The following HMGN5 variants were observed in gnomAD, a reference collection of about 807,000 sequenced individuals.
HMGN5 encodes the protein high mobility group nucleosome binding domain 5, also known as high mobility group nucleosome-binding domain-containing protein 5.
Under a neutral mutation model 9.5 loss-of-function variants are expected in HMGN5, and 4 were observed. The ratio of observed to expected loss-of-function variants is 0.42; its 90% CI spans 0.21 to 0.96. The LOEUF is 0.96. HMGN5 is among the 40% of genes least tolerant of loss of function. HMGN5 has a pLI of 0.30. For synonymous variants in HMGN5, 55 were observed against 57.1 expected (o/e 0.96, Z 0.16); for missense variants, 192 against 187.5 (o/e 1.02, Z -0.14).
At chrX:81,143,777 TCTGAAATCCAC>T (rs756844625) in intron 1 of HMGN5, among the ~76,000 whole-genome samples, 19 of 111,950 alleles carry the variant, frequency 1.7e-4, no homozygotes, top group Non-Finnish European at 2.6e-4. Context: ...CTGTTAGCAG[TCTGAAATCCAC>T]CTGGGATGCT....
rs773551393 is a variant in HMGN5, at chrX:81,129,478, T to C, written c.-123-7806A>G. ...CTTTCTTTTTCTACTGGATTTTCTC[T>C]TTCATTCTTTCAGCTCTTAATAGTG... On this transcript the variant is annotated intron_variant, in intron 1 of 6. Transcript: ENST00000358130. Among the ~76,000 whole-genome samples the C allele has an allele frequency of 8.1e-5, 9 of 111,237 alleles. No individual in the cohort carries two copies. In the East Asian group the frequency reaches 2.5e-3, roughly 31 times the overall value.
At position 81,156,810 on chromosome X, in the gene HMGN5, A is replaced by T. The variant is rs185387095; in HGVS notation, c.-123-35138T>A. On this transcript the variant is annotated intron_variant, in intron 1 of 6. Transcript: ENST00000358130. ...CTGTTGAGAGATGGCTTCTCCGAAG[A>T]TTGATTTCTTGTCTTGCACTCTGCT... Among the ~76,000 whole-genome samples the T allele has an allele frequency of 9.3e-3, 1,017 of 109,937 alleles. 9 individuals carry two copies. The highest frequency in any genetic ancestry group is 0.014 in the Non-Finnish European group (763 of 52,720).
At chrX:81,193,947 A>T (rs1458632565) in intron 1 of HMGN5, among the ~76,000 whole-genome samples, 1 of 111,971 alleles carries the variant, frequency 8.9e-6, no homozygotes, top group Non-Finnish European at 1.9e-5. Context: ...AATAAGTAAT[A>T]TAGTGTGGTA....
chrX:81,155,515 C>T (rs1002966822), intron 1 of HMGN5, among the ~76,000 whole-genome samples: 1 of 109,958 alleles, frequency 9.1e-6, no homozygotes, highest in African/African-American at 3.3e-5. Flanking sequence ...ACTCAAATGT[C>T]CTTCAATGTG....
At chrX:81,135,134 G>A (rs761119581) in intron 1 of HMGN5, among the ~76,000 whole-genome samples, 38 of 111,416 alleles carry the variant, frequency 3.4e-4, no homozygotes, top group African/African-American at 1.2e-3. Context: ...GGACTTCATC[G>A]ATTTTAAATA....
chrX:81,178,614 C>T (rs1299621299), intron 1 of HMGN5, among the ~76,000 whole-genome samples: 1 of 111,715 alleles, frequency 9.0e-6, no homozygotes, highest in Non-Finnish European at 1.9e-5. Flanking sequence ...CCGAATTCTA[C>T]CAGAGGTACA....
chrX:81,127,113 C>T (rs1289166503), intron 1 of HMGN5, among the ~76,000 whole-genome samples: 1 of 111,718 alleles, frequency 9.0e-6, no homozygotes, highest in African/African-American at 3.2e-5. Flanking sequence ...TAAAGTTTTG[C>T]GGCTATTGTG....
chrX:81,179,050 C>G (rs1266630258), intron 1 of HMGN5, among the ~76,000 whole-genome samples: 3 of 111,442 alleles, frequency 2.7e-5, no homozygotes, highest in Non-Finnish European at 5.6e-5. Context: ...TGGGACGTAT[C>G]TCAAAATAAT....
intron 1 of HMGN5, among the ~76,000 whole-genome samples, chrX:81,173,025 G>T (rs2075430902): frequency 9.0e-6 from 1 of 111,011 alleles, no homozygotes; most frequent in Non-Finnish European, 1.9e-5. Context: ...AATCCTACTA[G>T]AATTTATGTC....
intron 1 of HMGN5, among the ~76,000 whole-genome samples, chrX:81,132,511 G>A (rs1450716348): frequency 9.0e-6 from 1 of 111,038 alleles, no homozygotes; most frequent in African/African-American, 3.3e-5. Context: ...TAGACCAATG[G>A]AATAGAATAC....
chrX:81,195,704 A>G (rs2075506243), intron 1 of HMGN5, among the ~76,000 whole-genome samples: 1 of 111,842 alleles, frequency 8.9e-6, no homozygotes, highest in Non-Finnish European at 1.9e-5. Flanking sequence ...TCAAACTATC[A>G]GAAGGTTTTG....
At chrX:81,121,807 G>A (rs1309628323) in intron 1 of HMGN5, 135 bp from the exon 2 acceptor site, 14 of 294,913 alleles carry the variant, frequency 4.7e-5, no homozygotes, top group Middle Eastern at 9.0e-4. Context: ...GAGGCAGCCG[G>A]CTTTGAGGGG....
chrX:81,129,431 C>G (rs2075293005), intron 1 of HMGN5, among the ~76,000 whole-genome samples: 1 of 111,215 alleles, frequency 9.0e-6, no homozygotes, highest in African/African-American at 3.3e-5. Context: ...TATTTCCTGT[C>G]TGTGAATTTT....
chrX:81,168,805 G>A (rs2075417965), intron 1 of HMGN5, among the ~76,000 whole-genome samples: 2 of 111,675 alleles, frequency 1.8e-5, no homozygotes, highest in African/African-American at 6.5e-5. Context: ...AATTAATTGG[G>A]GAGAAGACTT....
chrX:81,141,348 C>G (rs2075328908), intron 1 of HMGN5, among the ~76,000 whole-genome samples: 1 of 110,955 alleles, frequency 9.0e-6, no homozygotes, highest in Non-Finnish European at 1.9e-5. Flanking sequence ...TTATTGCAAG[C>G]TTTGGGAGAG....
rs1219348707 is a variant in HMGN5 at position 81,116,143 on chromosome X, C to A, written c.267+61G>T. 40 of 887,337 alleles carry A rather than the reference C, an allele frequency of 4.5e-5. No homozygotes were observed. In the East Asian group the frequency reaches 9.6e-4, roughly 21 times the overall value. 73.1% of individuals were successfully genotyped at this position (887,337 alleles called of 1,213,427 possible). A position where few individuals can be genotyped will look rare whatever the true frequency, so the allele number is the denominator to read the frequency against. ...ATAAACTAAAAGGCAAATAGGATTT[C>A]TTTCAGTTGTACCCATTGTTAAACT... On this transcript the variant is annotated intron_variant, in intron 6 of 6. Transcript: ENST00000358130.
chrX:81,163,405 G>T (rs1395170528), intron 1 of HMGN5, among the ~76,000 whole-genome samples: 1 of 112,162 alleles, frequency 8.9e-6, no homozygotes, highest in Non-Finnish European at 1.9e-5. Flanking sequence ...TTGTCACATA[G>T]AAATAGTAAC....
chrX:81,188,322 T>C (rs2075483818), intron 1 of HMGN5, among the ~76,000 whole-genome samples: 1 of 104,705 alleles, frequency 9.6e-6, no homozygotes, highest in African/African-American at 3.4e-5. Flanking sequence ...ACTGATGGGG[T>C]TTTGCTACAC....
Position 81,114,204 on chromosome X carries a change from A to C in HMGN5, c.*445T>G, listed in dbSNP as rs2147531280. ...ACAATTTCATTTTTCCCAAGCTAAT[A>C]ATAAAGTTATATTTGGGAAAGATAA... is the stretch of plus-strand genomic sequence containing the variant. On this transcript the variant is annotated 3_prime_UTR_variant, in exon 7 of 7. Transcript: ENST00000358130. 8.9e-6 allele frequency: 1 copy of C among 112,637 alleles called. No homozygotes were observed. The highest frequency in any genetic ancestry group is 3.2e-5 in the African/African-American group (1 of 30,969). The allele number at this position is 112,637 out of a possible 1,213,427, so 9.3% of individuals were successfully genotyped here.
Sources: gnomAD v4.1 joint callset for allele counts (sites outside exome capture counted in the v4.1 genomes callset) on GRCh38, gnomAD v4.1.1 for gene constraint, MANE v1.5 for transcripts, NCBI Gene and HGNC (gene_info 2026-07-23, HGNC 2026-07-21) for gene names.